The following XCR1 variants were observed in gnomAD, a reference collection of about 807,000 sequenced individuals.
The protein encoded by XCR1 is X-C motif chemokine receptor 1.
For missense variants in XCR1, 356 were observed against 424.2 expected (o/e 0.84, Z 1.41); for synonymous variants, 187 against 188.5 (o/e 0.99, Z 0.06).
intron 3 of XCR1, among the ~76,000 whole-genome samples, chr3:46,067,029 A>G (rs533422512): frequency 1.3e-5 from 2 of 152,338 alleles, no homozygotes; most frequent in East Asian, 3.9e-4. Context: ...GGAGGACAGG[A>G]GCATAGCATA....
intron 4 of XCR1, among the ~76,000 whole-genome samples, chr3:46,065,965 C>T (rs538122828): frequency 2.4e-4 from 37 of 152,184 alleles, no homozygotes; most frequent in Non-Finnish European, 5.0e-4. Context: ...AACTCATTCT[C>T]AGAGGAAGAT....
chr3:46,040,869 G>C (rs1216765520), intron 5 of XCR1, among the ~76,000 whole-genome samples: 1 of 152,198 alleles, frequency 6.6e-6, no homozygotes, highest in Non-Finnish European at 1.5e-5. Flanking sequence ...CTAATTGAAA[G>C]GCTGATGTGT....
rs1478925835 is a variant in XCR1, at chr3:46,017,760, G to A, written c.*3186C>T. The A allele has an allele frequency of 6.6e-6, 1 of 152,206 alleles. No individual in the cohort carries two copies. Among genetic ancestry groups the A allele is most frequent in the Non-Finnish European group, 1.5e-5 (1 of 68,060 alleles). The allele number at this position is 152,206 out of a possible 1,614,324, so 9.4% of individuals were successfully genotyped here. The stretch of plus-strand genomic sequence containing the variant: ...GGTGTAAATGCTGTAGAACCACCGT[G>A]GGTTTTTTTATGTTCCAGGAGTGGT... On this transcript the variant is annotated 3_prime_UTR_variant, in exon 2 of 2. Transcript: ENST00000309285.
chr3:46,026,187 CA>C (rs1244247940), intron 1 of XCR1, among the ~76,000 whole-genome samples: 1 of 152,144 alleles, frequency 6.6e-6, no homozygotes, highest in African/African-American at 2.4e-5. Flanking sequence ...AAAAATCATT[CA>C]TTTTTTTTGC....
upstream of XCR1, among the ~76,000 whole-genome samples, chr3:46,028,133 C>A (rs1708333297): frequency 6.6e-6 from 1 of 152,158 alleles, no homozygotes; most frequent in Non-Finnish European, 1.5e-5. Context: ...GAGAGCTTTT[C>A]TGTGGCTTAA....
intron 5 of XCR1, among the ~76,000 whole-genome samples, chr3:46,038,175 G>A (rs934019038): frequency 6.6e-6 from 1 of 152,054 alleles, no homozygotes; most frequent in African/African-American, 2.4e-5. Flanking sequence ...TTACAGGCAC[G>A]TGCCACCATG....
intron 4 of XCR1, among the ~76,000 whole-genome samples, chr3:46,059,779 C>A (rs4493468): frequency 6.6e-6 from 1 of 151,710 alleles, no homozygotes; most frequent in African/African-American, 2.4e-5. Context: ...TGTAAATAAA[C>A]GTTCCACCAA....
At chr3:46,052,793 G>C (rs569514574) in intron 5 of XCR1, among the ~76,000 whole-genome samples, 1 of 152,282 alleles carries the variant, frequency 6.6e-6, no homozygotes, top group East Asian at 1.9e-4. Flanking sequence ...TGCAGCCAAG[G>C]TATGAGGAAT....
intron 2 of XCR1, among the ~76,000 whole-genome samples, chr3:46,075,756 T>C (rs1271745177): frequency 6.6e-6 from 1 of 152,184 alleles, no homozygotes; most frequent in Non-Finnish European, 1.5e-5. Flanking sequence ...AGACATTTCA[T>C]GGAAGAGGAT....
chr3:46,055,961 G>A (rs1697842898), intron 4 of XCR1, among the ~76,000 whole-genome samples: 1 of 152,242 alleles, frequency 6.6e-6, no homozygotes. Context: ...AATGGTGGTT[G>A]AGTGGGATTC....
chr3:46,081,072 A>C (rs773228467), intron 1 of XCR1, among the ~76,000 whole-genome samples: 9 of 152,214 alleles, frequency 5.9e-5, no homozygotes, highest in Non-Finnish European at 1.3e-4. Context: ...AAGTAGTAAG[A>C]AAATTGTTAT....
intron 4 of XCR1, among the ~76,000 whole-genome samples, chr3:46,065,671 C>T (rs1323953975): frequency 6.6e-6 from 1 of 152,192 alleles, no homozygotes; most frequent in Non-Finnish European, 1.5e-5. Flanking sequence ...CTACACCAAG[C>T]TCCACTGCTG....
chr3:46,072,256 T>C (rs761276653), intron 3 of XCR1, among the ~76,000 whole-genome samples: 47 of 152,262 alleles, frequency 3.1e-4, no homozygotes, highest in South Asian at 1.0e-3. Flanking sequence ...TGGTGGCTCA[T>C]GCCTGTAATC....
At chr3:46,065,023 G>A (rs1012572140) in intron 4 of XCR1, among the ~76,000 whole-genome samples, 1 of 152,050 alleles carries the variant, frequency 6.6e-6, no homozygotes, top group African/African-American at 2.4e-5. Context: ...CCAGCAAGGT[G>A]CAGGTTGTGG....
intron 3 of XCR1, among the ~76,000 whole-genome samples, chr3:46,067,143 A>T (rs150270982): frequency 6.6e-6 from 1 of 152,328 alleles, no homozygotes; most frequent in East Asian, 1.9e-4. Flanking sequence ...ACCTGTGAAG[A>T]TACTTGTGAG....
chr3:46,023,198 C>G (rs1296371157), intron 1 of XCR1: 1 of 486,898 alleles, frequency 2.1e-6, no homozygotes, highest in Non-Finnish European at 3.6e-6. Flanking sequence ...TTGTTGCTCC[C>G]TCTGCGCCCA....
In XCR1 at chr3:46,021,534, CA is replaced by C; in HGVS notation, c.413del (p.Leu138ArgfsTer12). The C allele has an allele frequency of 6.2e-7, 1 of 1,611,242 alleles. No individual in the cohort carries two copies. Among genetic ancestry groups the C allele is most frequent in the East Asian group, 2.2e-5 (1 of 44,718 alleles). On this transcript the variant is annotated frameshift_variant, in exon 2 of 2. Transcript: ENST00000309285. LOFTEE classifies it low-confidence loss of function (END_TRUNC). The surrounding 1 kb of genome is among the most constrained non-coding windows in gnomAD (Gnocchi z 4.7). ...CCCGGCAGCGGAGGGTGGGGACGCGCAGGGTGGAGAGGGGGCTCACTACCGA... is the reference window on the plus strand; with the variant it reads ...CCCGGCAGCGGAGGGTGGGGACGCGCGGGTGGAGAGGGGGCTCACTACCGA... ...YLSVVSPLST[L>X]RVPTLRCRVL...
chr3:46,082,216 A>T (rs1202291324), intron 1 of XCR1, among the ~76,000 whole-genome samples: 8 of 152,288 alleles, frequency 5.3e-5, no homozygotes, highest in Admixed American at 1.3e-4. Flanking sequence ...TTCACCCAAG[A>T]TACCAGACCA....
intron 3 of XCR1, among the ~76,000 whole-genome samples, chr3:46,067,911 G>C (rs1026873563): frequency 3.9e-5 from 6 of 152,202 alleles, no homozygotes; most frequent in Admixed American, 2.6e-4. Context: ...TGTGTGCTAA[G>C]ATGGGTGGTG....
Sources: gnomAD v4.1 joint callset for allele counts (sites outside exome capture counted in the v4.1 genomes callset) on GRCh38, gnomAD v4.1.1 for gene constraint, Gnocchi (gnomAD v3.1) non-coding constraint, MANE v1.5 for transcripts, NCBI Gene and HGNC (gene_info 2026-07-23, HGNC 2026-07-21) for gene names.